Variants in HS3ST5 observed in about 807,000 individuals in gnomAD.
HS3ST5 encodes heparan sulfate-glucosamine 3-sulfotransferase 5.
Under a neutral mutation model 25.4 loss-of-function variants are expected in HS3ST5, and 10 were observed. The ratio of observed to expected loss-of-function variants is 0.39; its 90% CI spans 0.24 to 0.67. HS3ST5 has a LOEUF of 0.67. HS3ST5 is among the 30% of genes least tolerant of loss of function. The pLI is 0.44. For synonymous variants in HS3ST5, 170 were observed against 162.4 expected (o/e 1.05, Z -0.36); for missense variants, 324 against 420.7 (o/e 0.77, Z 2.01).
intron 1 of HS3ST5, among the ~76,000 whole-genome samples, chr6:114,239,785 A>G (rs1203836766): frequency 6.6e-6 from 1 of 152,180 alleles, no homozygotes. Context: ...GAGGGGCTTA[A>G]TATCCAGAAA....
intron 1 of HS3ST5, among the ~76,000 whole-genome samples, chr6:114,310,235 T>C (rs1775471422): frequency 6.6e-6 from 1 of 152,220 alleles, no homozygotes; most frequent in Non-Finnish European, 1.5e-5. Flanking sequence ...TCCAGGATGC[T>C]CAGTACATTT....
intron 1 of HS3ST5, among the ~76,000 whole-genome samples, chr6:114,254,291 TGGCA>T (rs1247443838): frequency 1.1e-4 from 16 of 152,258 alleles, no homozygotes; most frequent in Non-Finnish European, 2.1e-4. Context: ...CTGGCCATCC[TGGCA>T]GGTTCAACAT....
intron 2 of HS3ST5, among the ~76,000 whole-genome samples, chr6:114,224,634 C>T (rs545375245): frequency 4.5e-4 from 68 of 150,372 alleles, no homozygotes; most frequent in African/African-American, 1.7e-3. Flanking sequence ...TCATTGATTC[C>T]TTGATATTGA....
At chr6:114,196,950 G>C (rs1428933101) in intron 2 of HS3ST5, among the ~76,000 whole-genome samples, 2 of 152,094 alleles carry the variant, frequency 1.3e-5, no homozygotes, top group African/African-American at 4.8e-5. Context: ...AAGAAGTAAA[G>C]ATGCAGTGCT....
chr6:114,121,024 CT>C (rs1325187077), intron 3 of HS3ST5, among the ~76,000 whole-genome samples: 1 of 152,194 alleles, frequency 6.6e-6, no homozygotes, highest in East Asian at 1.9e-4. Context: ...ATAATTGCAC[CT>C]TTGGTGCTGA....
intron 4 of HS3ST5, among the ~76,000 whole-genome samples, chr6:114,061,956 A>T (rs1254269463): frequency 7.9e-5 from 12 of 151,782 alleles, no homozygotes; most frequent in African/African-American, 1.9e-4. Flanking sequence ...CAAAAAAAAA[A>T]TTTTTTTTTA....
chr6:114,169,041 G>GA lies in HS3ST5; in HGVS notation c.-144-580dup, dbSNP rs1308256327. Among the ~76,000 whole-genome samples the GA allele has an allele frequency of 3.3e-5, 5 of 151,612 alleles. No individual in the cohort carries two copies. In the East Asian group the frequency reaches 5.8e-4, roughly 18 times the overall value. ...AACTAAAGTGTTGTATTAGTGGGAT[G>GA]AAAAAAAAGAAAGAGATGAGAAAAA... is the stretch of plus-strand genomic sequence containing the variant. On this transcript the variant is annotated intron_variant, in intron 2 of 4. Coordinates refer to ENST00000312719, the MANE Select transcript of HS3ST5 (RefSeq NM_153612.4).
intron 2 of HS3ST5, among the ~76,000 whole-genome samples, chr6:114,183,890 T>C (rs1259672744): frequency 6.6e-6 from 1 of 152,028 alleles, no homozygotes; most frequent in Non-Finnish European, 1.5e-5. Context: ...ATGAGGAATA[T>C]CTTATTAAAC....
chr6:114,142,936 A>C (rs1274784957), intron 3 of HS3ST5: 1 of 152,256 alleles, frequency 6.6e-6, no homozygotes, highest in Non-Finnish European at 1.5e-5. Flanking sequence ...TTAACGGGGA[A>C]AAATGTTCAG....
intron 1 of HS3ST5, among the ~76,000 whole-genome samples, chr6:114,305,033 T>G (rs1276083967): frequency 6.6e-6 from 1 of 152,140 alleles, no homozygotes. Flanking sequence ...ATGTGAAATC[T>G]GAAACCATAT....
At chr6:114,070,317 G>A (rs1287967816) in intron 3 of HS3ST5, among the ~76,000 whole-genome samples, 1 of 150,804 alleles carries the variant, frequency 6.6e-6, no homozygotes, top group African/African-American at 2.4e-5. Flanking sequence ...TTCCATAAAA[G>A]GGCAGGTAAA....
chr6:114,104,262 A>G (rs1231385411), intron 3 of HS3ST5, among the ~76,000 whole-genome samples: 1 of 152,154 alleles, frequency 6.6e-6, no homozygotes, highest in Non-Finnish European at 1.5e-5. Flanking sequence ...TCCAGCAAGT[A>G]GACATACCTT....
chr6:114,186,544 T>C (rs963518545), intron 2 of HS3ST5, among the ~76,000 whole-genome samples: 1 of 152,164 alleles, frequency 6.6e-6, no homozygotes, highest in Admixed American at 6.5e-5. Flanking sequence ...AGTTTAAAGC[T>C]AGCAGAGGTT....
At chr6:114,279,539 T>A (rs1774010903) in intron 1 of HS3ST5, among the ~76,000 whole-genome samples, 1 of 152,056 alleles carries the variant, frequency 6.6e-6, no homozygotes, top group Non-Finnish European at 1.5e-5. Context: ...GAGATCTAAA[T>A]GATAAAAATG....
intron 3 of HS3ST5, among the ~76,000 whole-genome samples, chr6:114,146,490 T>C (rs183822293): frequency 1.6e-4 from 25 of 152,240 alleles, no homozygotes; most frequent in Non-Finnish European, 2.8e-4. Context: ...AGGAAGAACC[T>C]CCAGAGAGGA....
At chr6:114,218,073 C>G (rs570181774) in intron 2 of HS3ST5, among the ~76,000 whole-genome samples, 44 of 152,166 alleles carry the variant, frequency 2.9e-4, no homozygotes, top group Non-Finnish European at 6.0e-4. Flanking sequence ...TCTCGGCTCA[C>G]CGCAACCTCC....
chr6:114,202,237 C>T (rs10782179), intron 2 of HS3ST5, among the ~76,000 whole-genome samples: 64,729 of 152,056 alleles, frequency 0.43, 14,741 homozygotes, highest in South Asian at 0.65. Context: ...CTGGGCAACA[C>T]AGCCAAGACC....
intron 1 of HS3ST5, among the ~76,000 whole-genome samples, chr6:114,335,022 G>A (rs768830865): frequency 5.3e-5 from 8 of 152,090 alleles, no homozygotes; most frequent in Non-Finnish European, 1.0e-4. Flanking sequence ...AGGGAGGCAT[G>A]GGTTTTAAGG....
intron 3 of HS3ST5, among the ~76,000 whole-genome samples, chr6:114,124,054 C>T (rs532676389): frequency 6.6e-6 from 1 of 152,318 alleles, no homozygotes; most frequent in East Asian, 1.9e-4. Context: ...CAAGAGGTAT[C>T]TTGCCATAAA....
Sources: gnomAD v4.1 joint callset for allele counts (sites outside exome capture counted in the v4.1 genomes callset) on GRCh38, gnomAD v4.1.1 for gene constraint, MANE v1.5 for transcripts, NCBI Gene and HGNC (gene_info 2026-07-23, HGNC 2026-07-21) for gene names.